The following MEGF9 variants were observed in gnomAD, a reference collection of about 807,000 sequenced individuals.
MEGF9 encodes multiple epidermal growth factor-like domains protein 9.
A neutral mutation model predicts 46.8 loss-of-function variants in MEGF9; 6 were observed. The observed-to-expected ratio is 0.13, with a 90% CI of 0.07 to 0.25. MEGF9 has a LOEUF of 0.25. Ranked by LOEUF, MEGF9 falls within the 10% of genes least tolerant of loss-of-function variation. MEGF9 has a pLI of 1.00. For synonymous variants in MEGF9, 302 were observed against 330.7 expected, an observed-to-expected ratio of 0.91 and a Z score of 0.94; for missense variants, 683 against 792.4, an observed-to-expected ratio of 0.86 and a Z score of 1.66.
rs1161419836 is a variant in MEGF9, at chr9:120,605,858, T to C, written c.1358-217A>G. Among the ~76,000 whole-genome samples the C allele has an allele frequency of 6.6e-6, 1 of 152,128 alleles. No homozygotes were observed. Among genetic ancestry groups the C allele is most frequent in the African/African-American group, 2.4e-5 (1 of 41,416 alleles). On this transcript the variant is annotated intron_variant, in intron 5 of 5. Coordinates refer to ENST00000373930, the MANE Select transcript of MEGF9 (RefSeq NM_001080497.3). This position sits in a 1 kb window ranked among gnomAD's most constrained non-coding sequence, Gnocchi z 4.0. ...TAGATTATTACATCTATGGCTGTTT[T>C]CCAATATGTATAATATCTACATTAA...
intron 3 of MEGF9, among the ~76,000 whole-genome samples, chr9:120,614,827 T>C (rs1375778935): frequency 6.6e-6 from 1 of 151,982 alleles, no homozygotes; most frequent in Non-Finnish European, 1.5e-5. Flanking sequence ...ATAGTAAAAT[T>C]TGGATGTTCA....
chr9:120,629,310 C>T (rs1299267611), intron 2 of MEGF9, among the ~76,000 whole-genome samples: 3 of 152,018 alleles, frequency 2.0e-5, no homozygotes, highest in South Asian at 4.2e-4. Context: ...AACAACAGAG[C>T]CAAATCCTGC....
At chr9:120,708,013 C>T (rs1449074992) in intron 1 of MEGF9, among the ~76,000 whole-genome samples, 1 of 152,042 alleles carries the variant, frequency 6.6e-6, no homozygotes, top group East Asian at 1.9e-4. Flanking sequence ...CCACTGCACT[C>T]CAGCCTGGGC....
chr9:120,616,881 A>G (rs2043475314), intron 3 of MEGF9, among the ~76,000 whole-genome samples: 1 of 152,202 alleles, frequency 6.6e-6, no homozygotes, highest in South Asian at 2.1e-4. Flanking sequence ...AGACTATTCC[A>G]TAGGACATAA....
chr9:120,625,808 T>C lies in MEGF9; in HGVS notation c.804-3053A>G, dbSNP rs375416834. Among the ~76,000 whole-genome samples the C allele has an allele frequency of 2.4e-4, 31 of 128,676 alleles. 1 individual carries two copies. In the East Asian group the frequency reaches 3.7e-3, roughly 16 times the overall value. The allele number at this position is 128,676 out of a possible 152,430, so 84.4% of individuals were successfully genotyped here. On this transcript the variant is annotated intron_variant, in intron 2 of 5. Transcript: ENST00000373930. The stretch of plus-strand genomic sequence containing the variant: ...AAGATTGCGCCACTGCACTCCAGCC[T>C]GGGTGACAGCAAGACTCTGTCTCAC...
At chr9:120,698,961 C>T (rs533710715) in intron 1 of MEGF9, among the ~76,000 whole-genome samples, 32 of 152,240 alleles carry the variant, frequency 2.1e-4, no homozygotes, top group Non-Finnish European at 3.2e-4. Flanking sequence ...TTGAAAAATA[C>T]CAAATGTCTG....
At chr9:120,661,793 G>A (rs944928788) in intron 1 of MEGF9, among the ~76,000 whole-genome samples, 2 of 152,166 alleles carry the variant, frequency 1.3e-5, no homozygotes, top group African/African-American at 2.4e-5. Flanking sequence ...ACAAAGCCAC[G>A]TTCAGTGGTC....
At chr9:120,713,353 C>G (rs529164642) in intron 1 of MEGF9, among the ~76,000 whole-genome samples, 1 of 152,304 alleles carries the variant, frequency 6.6e-6, no homozygotes, top group African/African-American at 2.4e-5. Context: ...GGGAGGAATT[C>G]CTTACCCTCA....
chr9:120,678,663 G>A (rs1329389553), intron 1 of MEGF9, among the ~76,000 whole-genome samples: 1 of 152,124 alleles, frequency 6.6e-6, no homozygotes, highest in Non-Finnish European at 1.5e-5. Context: ...CAGTAGAGAT[G>A]GGGTTTTGCC....
intron 1 of MEGF9, chr9:120,691,472 G>C (rs1056332571): frequency 2.2e-6 from 1 of 460,444 alleles, no homozygotes; most frequent in East Asian, 6.9e-5. Flanking sequence ...GGCCACTGAT[G>C]CCCTGAACAA....
rs941115715 is a variant in MEGF9, at chr9:120,605,936, G to A, written c.1358-295C>T. ...CACCTGTAATCCCAGCACTTTGGGC[G>A]GCCGAGGGTGGTGGATCACGAGGTC... On this transcript the variant is annotated intron_variant, in intron 5 of 5. Transcript: ENST00000373930. This position sits in a 1 kb window ranked among gnomAD's most constrained non-coding sequence, Gnocchi z 4.0. Among the ~76,000 whole-genome samples, 6 of 152,078 alleles carry A rather than the reference G, an allele frequency of 3.9e-5. No individual in the cohort carries two copies. The highest frequency in any genetic ancestry group is 7.4e-5 in the Non-Finnish European group (5 of 68,010).
intron 1 of MEGF9, among the ~76,000 whole-genome samples, chr9:120,696,388 C>T (rs942801190): frequency 3.3e-5 from 5 of 152,122 alleles, no homozygotes; most frequent in Admixed American, 1.3e-4. Flanking sequence ...CAAGGTTCTA[C>T]ATTGTACTAG....
At chr9:120,626,115 T>A (rs1981021) in intron 2 of MEGF9, among the ~76,000 whole-genome samples, 2 of 151,966 alleles carry the variant, frequency 1.3e-5, no homozygotes, top group Non-Finnish European at 2.9e-5. Context: ...AATAAATGTG[T>A]AGAACTGGAT....
At chr9:120,690,804 G>A (rs887063245) in intron 1 of MEGF9, among the ~76,000 whole-genome samples, 6 of 152,128 alleles carry the variant, frequency 3.9e-5, no homozygotes, top group Admixed American at 2.6e-4. Flanking sequence ...ATTAGGATAG[G>A]ACAGAGGAGG....
chr9:120,692,124 G>C (rs916087479), intron 1 of MEGF9, among the ~76,000 whole-genome samples: 8 of 152,140 alleles, frequency 5.3e-5, no homozygotes, highest in African/African-American at 1.4e-4. Flanking sequence ...ATTTGTGTAT[G>C]AATCTGTCTC....
chr9:120,657,847 T>C (rs938043705), intron 2 of MEGF9, among the ~76,000 whole-genome samples: 21 of 152,226 alleles, frequency 1.4e-4, no homozygotes, highest in African/African-American at 4.8e-4. Flanking sequence ...CTCTGGCACT[T>C]ACTATCTTTG....
chr9:120,661,277 G>A (rs566503527), intron 1 of MEGF9, among the ~76,000 whole-genome samples: 1 of 152,304 alleles, frequency 6.6e-6, no homozygotes, highest in South Asian at 2.1e-4. Context: ...ACTTTAGGAG[G>A]CCAAGGTGGG....
At chr9:120,637,238 A>G (rs1289749768) in intron 2 of MEGF9, among the ~76,000 whole-genome samples, 1 of 152,084 alleles carries the variant, frequency 6.6e-6, no homozygotes, top group Non-Finnish European at 1.5e-5. Flanking sequence ...GCTCGTTAAG[A>G]GTCATCACCA....
At position 120,611,845 on chromosome 9, in the gene MEGF9, A is replaced by T. The variant is rs543599087; in HGVS notation, c.1087+551T>A. ...AAGAAAAGAAAGAAAGGAAGGAAGG[A>T]AGGAAGGAAGGAAGGAAGAAAGAGA... On this transcript the variant is annotated intron_variant, in intron 4 of 5. Coordinates refer to ENST00000373930, the MANE Select transcript of MEGF9 (RefSeq NM_001080497.3). Among the ~76,000 whole-genome samples the T allele has an allele frequency of 2.2e-5, 3 of 135,310 alleles. No individual in the cohort carries two copies. In the Middle Eastern group the frequency reaches 0.01, roughly 470 times the overall value. 88.8% of individuals were successfully genotyped at this position (135,310 alleles called of 152,430 possible).
Sources: gnomAD v4.1 joint callset for allele counts (sites outside exome capture counted in the v4.1 genomes callset) on GRCh38, gnomAD v4.1.1 for gene constraint, Gnocchi (gnomAD v3.1) non-coding constraint, MANE v1.5 for transcripts, NCBI Gene and HGNC (gene_info 2026-07-23, HGNC 2026-07-21) for gene names.